The following AGMO variants were observed in gnomAD, a reference collection of about 807,000 sequenced individuals.
AGMO encodes the protein glyceryl-ether monooxygenase.
Under a neutral mutation model 60.2 loss-of-function variants are expected in AGMO, and 75 were observed. The observed-to-expected ratio is 1.25, with a 90% confidence interval of 1.03 to 1.51. The LOEUF (loss-of-function observed/expected upper bound fraction) is 1.51, where lower values mean the gene tolerates loss of function less well. Ranked by LOEUF, AGMO falls within the 40% of genes most tolerant of loss-of-function variation. AGMO has a pLI of 0.00. For missense variants in AGMO, 763 were observed against 525.5 expected (o/e 1.45, Z -4.42); for synonymous variants, 261 against 177.1 (o/e 1.47, Z -3.76).
chr7:15,547,382 T>C (rs1479575896), intron 2 of AGMO, among the ~76,000 whole-genome samples: 1 of 152,014 alleles, frequency 6.6e-6, no homozygotes, highest in African/African-American at 2.4e-5. Flanking sequence ...AGACGGGTGA[T>C]TTCTGCATTT....
chr7:15,339,747 A>T (rs1034538722), intron 12 of AGMO, among the ~76,000 whole-genome samples: 9 of 152,208 alleles, frequency 5.9e-5, no homozygotes, highest in Admixed American at 5.9e-4. Flanking sequence ...TACCTTAGGC[A>T]AAAATCCCCC....
chr7:15,151,713 T>A, the AGMO span, among the ~76,000 whole-genome samples: 3 of 152,080 alleles, frequency 2.0e-5, no homozygotes, highest in African/African-American at 7.2e-5. Context: ...TGTTGGGAAT[T>A]GCTTTATGGC....
intron 12 of AGMO, among the ~76,000 whole-genome samples, chr7:15,278,767 G>GTGGTGGCAA (rs1275713028): frequency 6.6e-6 from 1 of 152,198 alleles, no homozygotes; most frequent in Non-Finnish European, 1.5e-5. Context: ...AGTGGTGGCA[G>GTGGTGGCAA]TGGTGGCAAT....
Position 15,387,532 on chromosome 7 carries a change from G to C in AGMO, c.831C>G (p.His277Gln). Residue 277 changes from histidine to glutamine, a missense_variant, in exon 9 of 13, where the codon CAC becomes CAG. His to Gln is a conservative substitution (Grantham distance 24, BLOSUM62 0). Transcript: ENST00000342526. Reference protein sequence around the residue: ...TFEPIKVQFHHLFSIWTTFWA... With the variant: ...TFEPIKVQFHQLFSIWTTFWA... ...AGAATGTAGTCCATATGGAAAATAA[G>C]TGATGGAACTAGAAACAATAAAAAA... 2 of 1,607,242 alleles carry C rather than the reference G, an allele frequency of 1.2e-6. No individual in the cohort carries two copies. The highest frequency in any genetic ancestry group is 1.7e-6 in the Non-Finnish European group (2 of 1,178,490).
chr7:15,204,505 C>T (rs761795381), intron 12 of AGMO, among the ~76,000 whole-genome samples: 11 of 152,040 alleles, frequency 7.2e-5, no homozygotes, highest in Non-Finnish European at 1.0e-4. Flanking sequence ...ATGATGTTTC[C>T]GGATACATAC....
rs935151960 is a variant in AGMO at position 15,200,660 on chromosome 7, A to C, written c.*625T>G. On this transcript the variant is annotated 3_prime_UTR_variant, in exon 13 of 13. Coordinates refer to ENST00000342526, the MANE Select transcript of AGMO (RefSeq NM_001004320.2). ...AGGCGCACACCACCATGTCCAGCTA[A>C]ATTTTTATATTTTTAGTAGAGACAG... 3 of 152,112 alleles carry C rather than the reference A, an allele frequency of 2.0e-5. No homozygotes were observed. The highest frequency in any genetic ancestry group is 4.4e-5 in the Non-Finnish European group (3 of 68,084). 9.4% of individuals were successfully genotyped at this position (152,112 alleles called of 1,614,324 possible). A position where few individuals can be genotyped will look rare whatever the true frequency, so the allele number is the denominator to read the frequency against.
At chr7:15,520,976 G>C (rs1364407790) in intron 3 of AGMO, among the ~76,000 whole-genome samples, 3 of 151,930 alleles carry the variant, frequency 2.0e-5, no homozygotes, top group African/African-American at 7.3e-5. Flanking sequence ...AAAGTGACAA[G>C]AATCAAACAG....
chr7:15,194,758 C>T, the AGMO span, among the ~76,000 whole-genome samples: 5 of 152,136 alleles, frequency 3.3e-5, no homozygotes, highest in African/African-American at 1.2e-4. Context: ...TTTTATGCAT[C>T]TTGCAGCCTA....
intron 12 of AGMO, among the ~76,000 whole-genome samples, chr7:15,267,192 T>C (rs1026843162): frequency 1.3e-5 from 2 of 152,006 alleles, no homozygotes; most frequent in South Asian, 2.1e-4. Context: ...TTTATGTGCT[T>C]GAACTAATCC....
At chr7:15,546,634 C>T (rs1562565937) in intron 2 of AGMO, among the ~76,000 whole-genome samples, 1 of 152,246 alleles carries the variant, frequency 6.6e-6, no homozygotes, top group Non-Finnish European at 1.5e-5. Context: ...TGTCCACACA[C>T]AGGTGTGTGA....
the AGMO span, among the ~76,000 whole-genome samples, chr7:15,147,462 G>A: frequency 6.6e-6 from 1 of 152,070 alleles, no homozygotes; most frequent in Non-Finnish European, 1.5e-5. Flanking sequence ...TAGATCTTGT[G>A]AGACTTATTC....
At chr7:15,321,498 G>A (rs1781107436) in intron 12 of AGMO, among the ~76,000 whole-genome samples, 1 of 152,066 alleles carries the variant, frequency 6.6e-6, no homozygotes, top group Admixed American at 6.6e-5. Flanking sequence ...TGATAAGAAT[G>A]GAGTTCTTGA....
chr7:15,431,379 A>G (rs1781235152), intron 3 of AGMO, among the ~76,000 whole-genome samples: 1 of 151,898 alleles, frequency 6.6e-6, no homozygotes, highest in South Asian at 2.1e-4. Flanking sequence ...AACTGACATT[A>G]ATTCCAAAAG....
chr7:15,268,651 T>G (rs1404627673), intron 12 of AGMO, among the ~76,000 whole-genome samples: 3 of 151,896 alleles, frequency 2.0e-5, no homozygotes, highest in Admixed American at 6.6e-5. Flanking sequence ...TAAATTGAAG[T>G]GGTAAAGAGC....
chr7:15,373,691 A>G (rs114941825), intron 10 of AGMO, among the ~76,000 whole-genome samples: 1,938 of 152,252 alleles, frequency 0.013, 48 homozygotes, highest in African/African-American at 0.045. Context: ...GTATGTTTCC[A>G]TATGAAAAAA....
intron 12 of AGMO, among the ~76,000 whole-genome samples, chr7:15,310,517 A>T (rs1780739327): frequency 6.6e-6 from 1 of 152,188 alleles, no homozygotes; most frequent in Non-Finnish European, 1.5e-5. Context: ...CAGACAAAAA[A>T]GTCCTTATTT....
At chr7:15,257,823 C>A (rs1438588973) in intron 12 of AGMO, among the ~76,000 whole-genome samples, 1 of 152,158 alleles carries the variant, frequency 6.6e-6, no homozygotes, top group Non-Finnish European at 1.5e-5. Context: ...TTTAAAACTT[C>A]TGTGTGCAAC....
At chr7:15,308,938 T>G (rs1237466416) in intron 12 of AGMO, among the ~76,000 whole-genome samples, 2 of 152,194 alleles carry the variant, frequency 1.3e-5, no homozygotes, top group Non-Finnish European at 2.9e-5. Flanking sequence ...TTGTGGTTGG[T>G]CAAATGGAGT....
intron 3 of AGMO, among the ~76,000 whole-genome samples, chr7:15,531,661 T>C (rs1784369242): frequency 7.4e-6 from 1 of 135,028 alleles, no homozygotes; most frequent in Admixed American, 8.7e-5. Context: ...TAAATATATA[T>C]ATTTTTTTAG....
Sources: allele counts gnomAD v4.1 joint callset (sites outside exome capture counted in the v4.1 genomes callset), GRCh38; gene constraint gnomAD v4.1.1; transcripts MANE v1.5; gene names NCBI Gene and HGNC (gene_info 2026-07-23, HGNC 2026-07-21).